Variants in SLC14A2 observed in about 807,000 individuals in gnomAD.
SLC14A2 encodes the protein solute carrier family 14 member 2.
SLC14A2 carries 91 observed loss-of-function variants against 104.6 expected under a neutral mutation model. The observed-to-expected ratio is 0.87, with a 90% CI of 0.73 to 1.04. The LOEUF (loss-of-function observed/expected upper bound fraction) is 1.04, where lower values mean the gene tolerates loss of function less well. Among genes scored for constraint, SLC14A2 ranks in the 50% least tolerant of loss-of-function variants. SLC14A2 has a pLI of 0.00. For missense variants in SLC14A2, 1,189 were observed against 1,156.0 expected (o/e 1.03, Z -0.41); for synonymous variants, 476 against 466.4 (o/e 1.02, Z -0.27).
intron 10 of SLC14A2, among the ~76,000 whole-genome samples, chr18:45,657,386 C>T (rs1349412839): frequency 6.7e-6 from 1 of 149,952 alleles, no homozygotes; most frequent in Non-Finnish European, 1.5e-5. Flanking sequence ...ACTCAGGAGG[C>T]TGAGACAGGA....
intron 2 of SLC14A2, among the ~76,000 whole-genome samples, chr18:45,506,395 A>G (rs2043285669): frequency 6.6e-6 from 1 of 152,152 alleles, no homozygotes; most frequent in Non-Finnish European, 1.5e-5. Context: ...CTGAATTCCG[A>G]GCTGTAGTGG....
In SLC14A2 at chr18:45,621,412, G is replaced by A. The variant is rs138583078; in HGVS notation, c.-34-3219G>A. Among the ~76,000 whole-genome samples the A allele has an allele frequency of 4.0e-3, 602 of 152,340 alleles. 4 individuals are homozygous for A. Among genetic ancestry groups the A allele is most frequent in the African/African-American group, 0.014 (574 of 41,574 alleles). On this transcript the variant is annotated intron_variant, in intron 1 of 19. Transcript: ENST00000255226. ...TCTAATGAGCTCCTCCTGGGAATGA[G>A]AACGGTGCTAGACATGACAGGGGGT...
At chr18:45,647,588 C>A (rs1459221939) in intron 10 of SLC14A2, 1 of 152,138 alleles carries the variant, frequency 6.6e-6, no homozygotes, top group African/African-American at 2.4e-5. Context: ...CATTTTAGGT[C>A]TTTCTAACAA....
chr18:45,279,809 G>C (rs1161579247), intron 1 of SLC14A2, among the ~76,000 whole-genome samples: 1 of 152,158 alleles, frequency 6.6e-6, no homozygotes, highest in South Asian at 2.1e-4. Flanking sequence ...CGACCCATGA[G>C]AACAGAAGCT....
intron 10 of SLC14A2, among the ~76,000 whole-genome samples, chr18:45,652,168 G>T (rs1306952272): frequency 6.6e-6 from 1 of 152,218 alleles, no homozygotes; most frequent in African/African-American, 2.4e-5. Context: ...GTGGGGGCTG[G>T]CAGTTTCAGT....
intron 2 of SLC14A2, among the ~76,000 whole-genome samples, chr18:45,503,653 T>A (rs1378614187): frequency 1.3e-5 from 2 of 152,204 alleles, no homozygotes; most frequent in African/African-American, 4.8e-5. Flanking sequence ...TCTTGGCAAC[T>A]CTAGTTAAAA....
intron 2 of SLC14A2, among the ~76,000 whole-genome samples, chr18:45,487,216 G>A (rs1357262091): frequency 1.3e-5 from 2 of 152,158 alleles, no homozygotes; most frequent in African/African-American, 2.4e-5. Flanking sequence ...TGCATTCCTT[G>A]GCTGATGGCT....
At chr18:45,633,196 A>C (rs1362296609) in intron 5 of SLC14A2, among the ~76,000 whole-genome samples, 1 of 152,172 alleles carries the variant, frequency 6.6e-6, no homozygotes, top group East Asian at 1.9e-4. Context: ...CACTTGCCCC[A>C]AGTTGTACTT....
At chr18:45,559,072 A>T (rs1445797390) in intron 2 of SLC14A2, among the ~76,000 whole-genome samples, 5 of 152,152 alleles carry the variant, frequency 3.3e-5, no homozygotes, top group Non-Finnish European at 7.3e-5. Flanking sequence ...TACAAGCATG[A>T]GCCACTGCAC....
chr18:45,206,782 G>T, the SLC14A2 span, among the ~76,000 whole-genome samples: 1 of 152,154 alleles, frequency 6.6e-6, no homozygotes, highest in African/African-American at 2.4e-5. Flanking sequence ...CATACACCAA[G>T]AGCTAAGGAT....
At chr18:45,216,874 C>G (rs1368314975) in intron 1 of SLC14A2, among the ~76,000 whole-genome samples, 1 of 152,170 alleles carries the variant, frequency 6.6e-6, no homozygotes, top group Non-Finnish European at 1.5e-5. Context: ...GACATCCACA[C>G]AAAATCCTCC....
At chr18:45,196,439 G>A in the SLC14A2 span, among the ~76,000 whole-genome samples, 35 of 152,320 alleles carry the variant, frequency 2.3e-4, no homozygotes, top group Admixed American at 1.0e-3. Flanking sequence ...TTCCCTCTGC[G>A]AAGCTGTGAT....
chr18:45,675,706 TA>T (rs1220713627), intron 18 of SLC14A2, among the ~76,000 whole-genome samples: 42 of 65,952 alleles, frequency 6.4e-4, no homozygotes, highest in African/African-American at 2.2e-3. Flanking sequence ...TATATATATA[TA>T]TATTTTTTTT....
chr18:45,384,634 A>G (rs1304402999), intron 1 of SLC14A2, among the ~76,000 whole-genome samples: 4 of 146,160 alleles, frequency 2.7e-5, no homozygotes, highest in African/African-American at 1.0e-4. Flanking sequence ...CCCCGCCCCC[A>G]ACCAAAAGGT....
chr18:45,526,711 A>G (rs2043598003), intron 2 of SLC14A2, among the ~76,000 whole-genome samples: 2 of 152,118 alleles, frequency 1.3e-5, no homozygotes, highest in African/African-American at 4.8e-5. Context: ...TGGAACAGAA[A>G]GTTCGTGGGG....
At chr18:45,179,282 C>CATTGCAG in the SLC14A2 span, among the ~76,000 whole-genome samples, 1 of 152,136 alleles carries the variant, frequency 6.6e-6, no homozygotes, top group East Asian at 1.9e-4. Flanking sequence ...TCGGAGAGGC[C>CATTGCAG]ATTGCAGAGC....
At chr18:45,487,737 C>T (rs1446176132) in intron 2 of SLC14A2, among the ~76,000 whole-genome samples, 1 of 152,062 alleles carries the variant, frequency 6.6e-6, no homozygotes, top group Non-Finnish European at 1.5e-5. Flanking sequence ...CCAGCTGACC[C>T]CTTGGGGATA....
intron 10 of SLC14A2, among the ~76,000 whole-genome samples, chr18:45,650,831 C>G (rs1235963782): frequency 1.3e-5 from 2 of 152,122 alleles, no homozygotes; most frequent in Non-Finnish European, 2.9e-5. Context: ...CCTCCACCTC[C>G]CAGGTTCAAG....
chr18:45,236,863 T>C (rs1365248803), intron 1 of SLC14A2, among the ~76,000 whole-genome samples: 1 of 152,170 alleles, frequency 6.6e-6, no homozygotes, highest in Admixed American at 6.5e-5. Context: ...CTTTTAGATC[T>C]TCTGTGATAG....
Sources: allele counts gnomAD v4.1 joint callset (sites outside exome capture counted in the v4.1 genomes callset), GRCh38; gene constraint gnomAD v4.1.1; transcripts MANE v1.5; gene names NCBI Gene and HGNC (gene_info 2026-07-23, HGNC 2026-07-21).